Variants in SEC61A2 observed in about 807,000 individuals in gnomAD.
The protein encoded by SEC61A2 is protein transport protein Sec61 subunit alpha isoform 2.
A neutral mutation model predicts 59.9 loss-of-function variants in SEC61A2; 28 were observed. The observed-to-expected ratio is 0.47, with a 90% CI of 0.35 to 0.64. SEC61A2 has a LOEUF of 0.64. SEC61A2 is among the 30% of genes least tolerant of loss of function. The pLI, the probability that SEC61A2 is intolerant of heterozygous loss-of-function variation, is 0.01. For synonymous variants in SEC61A2, 202 were observed against 214.4 expected (o/e 0.94, Z 0.50); for missense variants, 340 against 585.9 (o/e 0.58, Z 4.33).
At chr10:12,131,913 C>T (rs79645779) in intron 1 of SEC61A2, among the ~76,000 whole-genome samples, 1,852 of 1,852 alleles carry the variant, frequency 1, 926 homozygotes, top group Non-Finnish European at 1. Flanking sequence ...GCCAGGCTGG[C>T]CTTGAGCTCC....
chr10:12,167,966 A>T, downstream of SEC61A2: 1 of 1,340,538 alleles, frequency 7.5e-7, no homozygotes, highest in Non-Finnish European at 9.7e-7. Context: ...GATCTTAAAG[A>T]ATAAAGACTA....
At chr10:12,141,330 G>A (rs1021439484) in intron 3 of SEC61A2, among the ~76,000 whole-genome samples, 7 of 152,164 alleles carry the variant, frequency 4.6e-5, no homozygotes, top group African/African-American at 1.7e-4. Context: ...GGTTGACCAG[G>A]TGAGTTGTTT....
chr10:12,156,283 A>C lies in SEC61A2; in HGVS notation c.616+352A>C, dbSNP rs1194672561. On this transcript the variant is annotated intron_variant, in intron 7 of 11. Transcript: ENST00000298428. The surrounding 1 kb of genome is among the most constrained non-coding windows in gnomAD (Gnocchi z 5.2). ...AGGTAGTGGATTTTAGATTTTTCAA[A>C]TGAAAAGACTGTTGTTCATTGAATC... 1.3e-5 allele frequency among the ~76,000 whole-genome samples: 2 copies of C among 152,224 alleles called. No individual in the cohort carries two copies. The highest frequency in any genetic ancestry group is 2.4e-5 in the African/African-American group (1 of 41,468).
chr10:12,156,110 G>A lies in SEC61A2; in HGVS notation c.616+179G>A, dbSNP rs1480297567. 6.6e-6 allele frequency among the ~76,000 whole-genome samples: 1 copy of A among 152,208 alleles called. No individual in the cohort carries two copies. The highest frequency in any genetic ancestry group is 1.5e-5 in the Non-Finnish European group (1 of 68,026). On this transcript the variant is annotated intron_variant, in intron 7 of 11. Coordinates refer to ENST00000298428, the MANE Select transcript of SEC61A2 (RefSeq NM_018144.4). The surrounding 1 kb of genome is among the most constrained non-coding windows in gnomAD (Gnocchi z 5.2). ...GTGGAGTAAGCAATACTACCTCAGA[G>A]AGAATAGTATCAAAATTTTAGCCTC...
In SEC61A2 at chr10:12,165,042, C is replaced by T; in HGVS notation, c.*588C>T. On this transcript the variant is annotated 3_prime_UTR_variant, in exon 12 of 12. Transcript: ENST00000298428. ...TCTGCCACAACTGCTTCTAAGGCCT[C>T]CTCCTTCTCCTCCTCCTCTTCCTCT... The T allele has an allele frequency of 1.0e-6, 1 of 986,124 alleles. No homozygotes were observed. The highest frequency in any genetic ancestry group is 1.2e-6 in the Non-Finnish European group (1 of 830,628). 61.1% of individuals were successfully genotyped at this position (986,124 alleles called of 1,614,324 possible).
rs1834643916 is a variant in SEC61A2, at chr10:12,165,349, TTTTA to T, written c.*900_*903del. 1.0e-6 allele frequency: 1 copy of T among 980,878 alleles called. No homozygotes were observed. Among genetic ancestry groups the T allele is most frequent in the Non-Finnish European group, 1.2e-6 (1 of 825,896 alleles). 60.8% of individuals were successfully genotyped at this position (980,878 alleles called of 1,614,324 possible). On this transcript the variant is annotated 3_prime_UTR_variant, in exon 12 of 12. Transcript: ENST00000298428. ...TGAGTGTAAACAGTAGACAATAAAC[TTTTA>T]TTTAAGAAAACTGATTCAGTTGTGT... is the stretch of plus-strand genomic sequence containing the variant.
intron 1 of SEC61A2, among the ~76,000 whole-genome samples, chr10:12,131,919 G>T (rs74361469): frequency 1 from 2,044 of 2,046 alleles, 1,022 homozygotes; most frequent in Middle Eastern, 1. Context: ...CTGGCCTTGA[G>T]CTCCTGACCT....
At chr10:12,169,472 TG>T, downstream of SEC61A2, 1 of 598,522 alleles carries the variant, frequency 1.7e-6, no homozygotes, top group Non-Finnish European at 2.9e-6. This position sits in a 1 kb window ranked among gnomAD's most constrained non-coding sequence, Gnocchi z 4.8. Context: ...TAGCTAATTA[TG>T]GTCCGCGGAG....
chr10:12,133,136 G>A (rs1369803185), intron 1 of SEC61A2, 105 bp from the exon 2 acceptor site: 4 of 597,966 alleles, frequency 6.7e-6, no homozygotes, highest in Non-Finnish European at 1.2e-5. Context: ...TTAAGGGTGG[G>A]GTGAATTGCT....
rs1380019921 is a variant in SEC61A2 at position 12,133,238 on chromosome 10, C to T, written c.8-3C>T. The T allele has an allele frequency of 7.0e-7, 1 of 1,430,634 alleles. No homozygotes were observed. The highest frequency in any genetic ancestry group is 2.3e-5 in the East Asian group (1 of 43,866). 88.6% of individuals were successfully genotyped at this position (1,430,634 alleles called of 1,614,324 possible). A position where few individuals can be genotyped will look rare whatever the true frequency, so the allele number is the denominator to read the frequency against. ...GGAACATTTATTATTTTTCTTTTTA[C>T]AGTCAAATTTTTAGAAGTTATCAAA... is the stretch of plus-strand genomic sequence containing the variant. On this transcript the variant is annotated splice_region_variant and splice_polypyrimidine_tract_variant and intron_variant, in intron 1 of 11. Transcript: ENST00000298428.
Position 12,158,228 on chromosome 10 carries a change from A to G in SEC61A2, c.975+123A>G. On this transcript the variant is annotated intron_variant, in intron 9 of 11. Transcript: ENST00000298428. This position sits in a 1 kb window ranked among gnomAD's most constrained non-coding sequence, Gnocchi z 5.7. ...TGTATTTTCAGATTCACTTACCTATATAGCAGAGTTTAGTACTTATCTGGA... is the reference window on the plus strand; with the variant it reads ...TGTATTTTCAGATTCACTTACCTATGTAGCAGAGTTTAGTACTTATCTGGA... 2 of 778,420 alleles carry G rather than the reference A, an allele frequency of 2.6e-6. No homozygotes were observed. The highest frequency in any genetic ancestry group is 4.1e-6 in the Non-Finnish European group (2 of 485,398). 48.2% of individuals were successfully genotyped at this position (778,420 alleles called of 1,614,324 possible). A position where few individuals can be genotyped will look rare whatever the true frequency, so the allele number is the denominator to read the frequency against.
Position 12,156,760 on chromosome 10 carries a change from T to C in SEC61A2, c.617-147T>C. On this transcript the variant is annotated intron_variant, in intron 7 of 11. Coordinates refer to ENST00000298428, the MANE Select transcript of SEC61A2 (RefSeq NM_018144.4). The surrounding 1 kb of genome is among the most constrained non-coding windows in gnomAD (Gnocchi z 5.2). Reference sequence around the variant, plus strand: ...TGATCTAAATATTTGTAGAACCTGCTCACATGGCTATATCATAAAGCAAAC... The same window carrying C: ...TGATCTAAATATTTGTAGAACCTGCCCACATGGCTATATCATAAAGCAAAC... The C allele has an allele frequency of 1.5e-6, 1 of 661,522 alleles. No homozygotes were observed. The allele number at this position is 661,522 out of a possible 1,614,324, so 41.0% of individuals were successfully genotyped here. A position where few individuals can be genotyped will look rare whatever the true frequency, so the allele number is the denominator to read the frequency against.
intron 6 of SEC61A2, among the ~76,000 whole-genome samples, chr10:12,150,598 G>A (rs944165751): frequency 6.6e-6 from 1 of 152,184 alleles, no homozygotes; most frequent in African/African-American, 2.4e-5. Flanking sequence ...TGTGCCATAA[G>A]TTAATTGGCA....
chr10:12,157,310 A>G (rs1834420870), intron 8 of SEC61A2, among the ~76,000 whole-genome samples: 1 of 152,090 alleles, frequency 6.6e-6, no homozygotes, highest in African/African-American at 2.4e-5. Context: ...TAAAAGGCAG[A>G]ACGTCTTTGT....
chr10:12,165,231 A>G lies in SEC61A2; in HGVS notation c.*777A>G. On this transcript the variant is annotated 3_prime_UTR_variant, in exon 12 of 12. Transcript: ENST00000298428. The stretch of plus-strand genomic sequence containing the variant: ...TTTAAATCCCTAAAGCAAAGATCTA[A>G]TTCTCAAGCAATGTCTGTAGTTCAG... 1.0e-6 allele frequency: 1 copy of G among 985,460 alleles called. No homozygotes were observed. Among genetic ancestry groups the G allele is most frequent in the Non-Finnish European group, 1.2e-6 (1 of 829,938 alleles). 61.0% of individuals were successfully genotyped at this position (985,460 alleles called of 1,614,324 possible). A position where few individuals can be genotyped will look rare whatever the true frequency, so the allele number is the denominator to read the frequency against.
Position 12,129,821 on chromosome 10 carries a change from C to G in SEC61A2, c.7+27C>G, listed in dbSNP as rs922609221. The G allele has an allele frequency of 1.4e-6, 2 of 1,391,790 alleles. No homozygotes were observed. The highest frequency in any genetic ancestry group is 3.1e-5 in the East Asian group (1 of 32,678). 86.2% of individuals were successfully genotyped at this position (1,391,790 alleles called of 1,614,324 possible). A position where few individuals can be genotyped will look rare whatever the true frequency, so the allele number is the denominator to read the frequency against. On this transcript the variant is annotated intron_variant, in intron 1 of 11. Coordinates refer to ENST00000298428, the MANE Select transcript of SEC61A2 (RefSeq NM_018144.4). This position sits in a 1 kb window ranked among gnomAD's most constrained non-coding sequence, Gnocchi z 5.6. ...TGAGTAGCGGCGGCTGGAGCGGGGA[C>G]TCTGGCTGGGAACGCAGGCCCCGCC... is the stretch of plus-strand genomic sequence containing the variant.
Position 12,161,273 on chromosome 10 carries a change from G to A in SEC61A2, c.1167+152G>A. The A allele has an allele frequency of 1.7e-6, 1 of 587,014 alleles. No individual in the cohort carries two copies. The highest frequency in any genetic ancestry group is 2.9e-6 in the Non-Finnish European group (1 of 347,642). 36.4% of individuals were successfully genotyped at this position (587,014 alleles called of 1,614,324 possible). A position where few individuals can be genotyped will look rare whatever the true frequency, so the allele number is the denominator to read the frequency against. On this transcript the variant is annotated intron_variant, in intron 10 of 11. Coordinates refer to ENST00000298428, the MANE Select transcript of SEC61A2 (RefSeq NM_018144.4). This position sits in a 1 kb window ranked among gnomAD's most constrained non-coding sequence, Gnocchi z 5.4. Reference sequence around the variant, plus strand: ...GGGCAACATAGCGAGACCCCGTCATGACTAAAAAAATACAAATAAAAATCG... The same window carrying A: ...GGGCAACATAGCGAGACCCCGTCATAACTAAAAAAATACAAATAAAAATCG...
Position 12,156,836 on chromosome 10 carries a change from G to A in SEC61A2, c.617-71G>A, listed in dbSNP as rs377286437. The A allele has an allele frequency of 2.9e-4, 438 of 1,511,114 alleles. 3 individuals carry two copies. In the South Asian group the frequency reaches 5.0e-3, roughly 17 times the overall value. 93.6% of individuals were successfully genotyped at this position (1,511,114 alleles called of 1,614,324 possible). A position where few individuals can be genotyped will look rare whatever the true frequency, so the allele number is the denominator to read the frequency against. On this transcript the variant is annotated intron_variant, in intron 7 of 11. Coordinates refer to ENST00000298428, the MANE Select transcript of SEC61A2 (RefSeq NM_018144.4). This position sits in a 1 kb window ranked among gnomAD's most constrained non-coding sequence, Gnocchi z 5.2. ...TTTCTGCTGTATACTGGACTTTCAC[G>A]GTTAGTTGTTTGAGCTTTGGGACAG... is the stretch of plus-strand genomic sequence containing the variant.
rs954182840 is a variant in SEC61A2, at chr10:12,162,135, G to T, written c.1168-78G>T. On this transcript the variant is annotated intron_variant, in intron 10 of 11. Transcript: ENST00000298428. The surrounding 1 kb of genome is among the most constrained non-coding windows in gnomAD (Gnocchi z 6.1). ...TATGTTACGTGTTAGTGTGTGGCGAGCACTTCGCATAGAACGTGGTAGATG... is the reference window on the plus strand; with the variant it reads ...TATGTTACGTGTTAGTGTGTGGCGATCACTTCGCATAGAACGTGGTAGATG... 4.6e-6 allele frequency: 5 copies of T among 1,082,814 alleles called. No homozygotes were observed. The highest frequency in any genetic ancestry group is 3.6e-5 in the Admixed American group (2 of 56,188). The allele number at this position is 1,082,814 out of a possible 1,614,324, so 67.1% of individuals were successfully genotyped here.
Sources: gnomAD v4.1 joint callset for allele counts (sites outside exome capture counted in the v4.1 genomes callset) on GRCh38, gnomAD v4.1.1 for gene constraint, Gnocchi (gnomAD v3.1) non-coding constraint, MANE v1.5 for transcripts, NCBI Gene and HGNC (gene_info 2026-07-23, HGNC 2026-07-21) for gene names.